Variants in TTPAL observed in about 807,000 individuals in gnomAD.
TTPAL encodes alpha tocopherol transfer protein like, also known as alpha-tocopherol transfer protein-like.
Under a neutral mutation model 28.7 loss-of-function variants are expected in TTPAL, and 21 were observed. That is an observed-to-expected ratio of 0.73 (90% CI 0.52 to 1.06). The LOEUF (loss-of-function observed/expected upper bound fraction) is 1.06. Ranked by LOEUF, TTPAL falls within the 50% of genes least tolerant of loss-of-function variation. The pLI is 0.00. For synonymous variants in TTPAL, 169 were observed against 171.9 expected (o/e 0.98, Z 0.13); for missense variants, 345 against 425.5 (o/e 0.81, Z 1.67).
rs1276370049 is a variant in TTPAL at position 44,492,006 on chromosome 20, G to A, written c.*2465G>A. On this transcript the variant is annotated 3_prime_UTR_variant, in exon 5 of 5. Transcript: ENST00000262605. The stretch of plus-strand genomic sequence containing the variant: ...TAGGTTTTTCCAGTTGGACAAGGAA[G>A]GAGTGGTTTCACTCAGCTTCTAGAA... The A allele has an allele frequency of 6.6e-6, 1 of 152,370 alleles. No individual in the cohort carries two copies. The highest frequency in any genetic ancestry group is 1.5e-5 in the Non-Finnish European group (1 of 68,058). 9.4% of individuals were successfully genotyped at this position (152,370 alleles called of 1,614,324 possible).
chr20:44,489,637 T>G lies in TTPAL; in HGVS notation c.*96T>G, dbSNP rs1221506325. ...GGGTCCATGGATTCAGTCTTGCTCC[T>G]TGTAATTAAACTGCAGGATGGAGGA... On this transcript the variant is annotated 3_prime_UTR_variant, in exon 5 of 5. Coordinates refer to ENST00000262605, the MANE Select transcript of TTPAL (RefSeq NM_001039199.3). 7.4e-7 allele frequency: 1 copy of G among 1,347,244 alleles called. No individual in the cohort carries two copies. The highest frequency in any genetic ancestry group is 1.5e-5 in the African/African-American group (1 of 68,302). 83.5% of individuals were successfully genotyped at this position (1,347,244 alleles called of 1,614,324 possible). A position where few individuals can be genotyped will look rare whatever the true frequency, so the allele number is the denominator to read the frequency against.
intron 1 of TTPAL, among the ~76,000 whole-genome samples, chr20:44,477,540 T>C (rs1026934954): frequency 4.6e-5 from 7 of 152,178 alleles, no homozygotes; most frequent in African/African-American, 1.7e-4. Flanking sequence ...ATTATTGCAA[T>C]AGCCTCTAAA....
chr20:44,482,860 A>C (rs932115889), intron 2 of TTPAL, among the ~76,000 whole-genome samples: 3 of 151,758 alleles, frequency 2.0e-5, no homozygotes, highest in Non-Finnish European at 4.4e-5. Context: ...ATGAGTCAAG[A>C]CTCAGCTTTT....
chr20:44,483,166 G>A (rs949384555), intron 2 of TTPAL, among the ~76,000 whole-genome samples: 2 of 152,146 alleles, frequency 1.3e-5, no homozygotes, highest in African/African-American at 2.4e-5. Context: ...CCAAAACTCA[G>A]TCTGTGTGGC....
chr20:44,478,766 C>T (rs555424424), intron 1 of TTPAL: 5 of 152,154 alleles, frequency 3.3e-5, no homozygotes, highest in African/African-American at 1.2e-4. Context: ...TATGTCAATT[C>T]ATAAAGATCT....
rs138893152 is a variant in TTPAL, at chr20:44,485,305, C to T, written c.639+775C>T. On this transcript the variant is annotated intron_variant, in intron 3 of 4. Coordinates refer to ENST00000262605, the MANE Select transcript of TTPAL (RefSeq NM_001039199.3). ...TGTGGTGCTCCCTCCATATCTGCAC[C>T]GTGTTTAACAGCTTGCACAGTGCTT... 5.1e-3 allele frequency among the ~76,000 whole-genome samples: 771 copies of T among 152,150 alleles called. 2 individuals are homozygous for T. The highest frequency in any genetic ancestry group is 0.017 in the African/African-American group (712 of 41,504).
At position 44,493,367 on chromosome 20, in the gene TTPAL, T is replaced by C. The variant is rs539907535; in HGVS notation, c.*3826T>C. 4.6e-5 allele frequency: 7 copies of C among 152,460 alleles called. No homozygotes were observed. The East Asian group carries it at 1.1e-3, about 25-fold the overall frequency. The allele number at this position is 152,460 out of a possible 1,614,324, so 9.4% of individuals were successfully genotyped here. A position where few individuals can be genotyped will look rare whatever the true frequency, so the allele number is the denominator to read the frequency against. ...AGAGGCTTTTCTCTGAATTCCTTTA[T>C]ATTGAGCCTTTCAGAATTCTCCCTG... is the stretch of plus-strand genomic sequence containing the variant. On this transcript the variant is annotated 3_prime_UTR_variant, in exon 5 of 5. Coordinates refer to ENST00000262605, the MANE Select transcript of TTPAL (RefSeq NM_001039199.3).
intron 2 of TTPAL, among the ~76,000 whole-genome samples, chr20:44,482,231 G>A (rs1038006888): frequency 2.0e-5 from 3 of 152,172 alleles, no homozygotes; most frequent in Admixed American, 6.5e-5. Context: ...ACAATTTGGG[G>A]ACAAAGATCT....
At chr20:44,486,931 A>C (rs1171375829) in intron 4 of TTPAL, among the ~76,000 whole-genome samples, 1 of 152,222 alleles carries the variant, frequency 6.6e-6, no homozygotes, top group Non-Finnish European at 1.5e-5. Context: ...GATTTTTATC[A>C]TAAGAGCCTC....
intron 1 of TTPAL, among the ~76,000 whole-genome samples, chr20:44,478,968 T>C (rs2064072840): frequency 6.6e-6 from 1 of 152,138 alleles, no homozygotes; most frequent in Non-Finnish European, 1.5e-5. Context: ...TTTTTGTATT[T>C]TTAGTAGAGA....
chr20:44,488,014 C>T (rs1263567238), intron 4 of TTPAL, among the ~76,000 whole-genome samples: 2 of 152,240 alleles, frequency 1.3e-5, no homozygotes, highest in Admixed American at 1.3e-4. Context: ...GGTGATCCAC[C>T]CGCCTTGGCC....
At chr20:44,477,128 A>G (rs1353801224) in intron 1 of TTPAL, among the ~76,000 whole-genome samples, 3 of 152,196 alleles carry the variant, frequency 2.0e-5, no homozygotes, top group Non-Finnish European at 4.4e-5. Context: ...GTTTGTTTTG[A>G]CTGGCATTTA....
chr20:44,490,200 G>C lies in TTPAL; in HGVS notation c.*659G>C, dbSNP rs375968871. ...CTCTGGGACCCACTGGTTGAAGTTT[G>C]CAATAGAAACTTAAGTTTTCCCAAA... On this transcript the variant is annotated 3_prime_UTR_variant, in exon 5 of 5. Transcript: ENST00000262605. The C allele has an allele frequency of 6.6e-6, 1 of 152,464 alleles. No homozygotes were observed. Among genetic ancestry groups the C allele is most frequent in the Non-Finnish European group, 1.5e-5 (1 of 68,128 alleles). The allele number at this position is 152,464 out of a possible 1,614,324, so 9.4% of individuals were successfully genotyped here. A position where few individuals can be genotyped will look rare whatever the true frequency, so the allele number is the denominator to read the frequency against.
intron 2 of TTPAL, among the ~76,000 whole-genome samples, chr20:44,482,384 C>A (rs1398245390): frequency 1.3e-5 from 2 of 151,386 alleles, no homozygotes; most frequent in East Asian, 3.9e-4. Context: ...CCCCGCCTCC[C>A]CCCAACCCCC....
intron 3 of TTPAL, among the ~76,000 whole-genome samples, chr20:44,485,084 G>C (rs932847261): frequency 4.6e-5 from 7 of 152,198 alleles, no homozygotes; most frequent in Non-Finnish European, 8.8e-5. Context: ...TTGCACTCCA[G>C]CCTGGGTGAG....
rs374073244 is a variant in TTPAL, at chr20:44,480,230, C to T, written c.231C>T (p.Asp77=). Residue 77 remains aspartate (D), a synonymous_variant, in exon 2 of 5, where the codon GAC becomes GAT. Transcript: ENST00000262605. The surrounding 1 kb of genome is among the most constrained non-coding windows in gnomAD (Gnocchi z 4.1). ...KEYPNLSTSL[D]DAFLLRFLRA... ...ACCCCAACCTGAGCACATCCCTCGA[C>T]GATGCCTTCCTGCTGCGCTTCCTCC... 5.6e-6 allele frequency: 9 copies of T among 1,614,040 alleles called. No individual in the cohort carries two copies. The highest frequency in any genetic ancestry group is 1.6e-4 in the Middle Eastern group (1 of 6,084).
Position 44,489,774 on chromosome 20 carries a change from C to A in TTPAL, c.*233C>A. ...ACTGATTCTTAAACATTTGGAATCC[C>A]AGTCTGCAACTATTAATCTGGAGGC... On this transcript the variant is annotated 3_prime_UTR_variant, in exon 5 of 5. Coordinates refer to ENST00000262605, the MANE Select transcript of TTPAL (RefSeq NM_001039199.3). 1.9e-6 allele frequency: 1 copy of A among 521,362 alleles called. No individual in the cohort carries two copies. The highest frequency in any genetic ancestry group is 2.8e-5 in the South Asian group (1 of 35,578). The allele number at this position is 521,362 out of a possible 1,614,324, so 32.3% of individuals were successfully genotyped here.
chr20:44,489,252 T>C lies in TTPAL; in HGVS notation c.751-11T>C. 6.2e-7 allele frequency: 1 copy of C among 1,607,292 alleles called. No homozygotes were observed. The highest frequency in any genetic ancestry group is 8.5e-7 in the Non-Finnish European group (1 of 1,174,612). ...TAAGGACATGTGTGTTTTCATTTCA[T>C]TCCCTTTTAGTTCTTCCTCCATGGG... On this transcript the variant is annotated splice_polypyrimidine_tract_variant and intron_variant, in intron 4 of 4. Transcript: ENST00000262605.
chr20:44,488,229 A>G (rs562335834), intron 4 of TTPAL, among the ~76,000 whole-genome samples: 19 of 152,354 alleles, frequency 1.2e-4, no homozygotes, highest in African/African-American at 4.6e-4. Context: ...TCTGATGCAC[A>G]GCTAGATTTG....
Sources: allele counts gnomAD v4.1 joint callset (sites outside exome capture counted in the v4.1 genomes callset), GRCh38; gene constraint gnomAD v4.1.1; non-coding constraint Gnocchi (gnomAD v3.1); transcripts MANE v1.5; gene names NCBI Gene and HGNC (gene_info 2026-07-23, HGNC 2026-07-21).